Variants in LYSMD2 observed in about 807,000 individuals in gnomAD.
The protein encoded by LYSMD2 is lysM and putative peptidoglycan-binding domain-containing protein 2.
A neutral mutation model predicts 17.7 loss-of-function variants in LYSMD2; 6 were observed. The observed-to-expected ratio is 0.34, with a 90% CI of 0.19 to 0.67. LYSMD2 has a LOEUF of 0.67. Ranked by LOEUF, LYSMD2 falls within the 30% of genes least tolerant of loss-of-function variation. The probability of loss-of-function intolerance (pLI) is 0.69; values close to 1 mark genes in which losing one functional copy is unlikely to be tolerated. For synonymous variants in LYSMD2, 102 were observed against 129.8 expected, an observed-to-expected ratio of 0.79 and a Z score of 1.45; for missense variants, 237 against 286.7, an observed-to-expected ratio of 0.83 and a Z score of 1.25.
chr15:51,733,263 G>A (rs76857799), intron 1 of LYSMD2, among the ~76,000 whole-genome samples: 7 of 149,956 alleles, frequency 4.7e-5, no homozygotes, highest in South Asian at 2.1e-4. Context: ...CCATCTCCAC[G>A]AGCCCTCCCC....
intron 1 of LYSMD2, among the ~76,000 whole-genome samples, chr15:51,750,082 T>C (rs1448263267): frequency 6.6e-6 from 1 of 152,228 alleles, no homozygotes; most frequent in African/African-American, 2.4e-5. Flanking sequence ...GGCCCTATTT[T>C]GCAATGTGCA....
At chr15:51,738,691 G>A (rs1196458838), upstream of LYSMD2, among the ~76,000 whole-genome samples, 1 of 152,078 alleles carries the variant, frequency 6.6e-6, no homozygotes, top group Non-Finnish European at 1.5e-5. Flanking sequence ...GGAGCCTGGG[G>A]GTTTGATTCG....
chr15:51,742,025 CA>C, upstream of LYSMD2, among the ~76,000 whole-genome samples: 1 of 151,350 alleles, frequency 6.6e-6, no homozygotes, highest in East Asian at 1.9e-4. Flanking sequence ...AGTTTGTCAT[CA>C]CTCCAAAAAG....
Position 51,723,648 on chromosome 15 carries a change from C to G in LYSMD2, c.607G>C (p.Asp203His), listed in dbSNP as rs574311951. Reference sequence around the variant, plus strand: ...GAAGTTGCATAGGGACTTTCTTCATCTCTGAAAGAAAATAAATACAGCATA... The same window carrying G: ...GAAGTTGCATAGGGACTTTCTTCATGTCTGAAAGAAAATAAATACAGCATA... ...AAKKLKEESRDEESPYATSLY... is the reference protein window; with the variant it reads ...AAKKLKEESRHEESPYATSLY... Residue 203 changes from aspartate to histidine, a missense_variant and splice_region_variant, in exon 3 of 3, where the codon GAT becomes CAT. Physicochemically the swap from Asp to His is moderately conservative, Grantham distance 81. Transcript: ENST00000267838. The G allele has an allele frequency of 8.8e-6, 14 of 1,598,690 alleles. No individual in the cohort carries two copies. In the South Asian group the frequency reaches 1.6e-4, roughly 18 times the overall value.
chr15:51,737,459 G>T lies in LYSMD2; in HGVS notation c.164C>A (p.Thr55Asn). The T allele has an allele frequency of 1.4e-6, 2 of 1,426,278 alleles. No individual in the cohort carries two copies. The highest frequency in any genetic ancestry group is 1.8e-6 in the Non-Finnish European group (2 of 1,092,630). The allele number at this position is 1,426,278 out of a possible 1,614,324, so 88.4% of individuals were successfully genotyped here. ...GCCCAGCGGCGCCCGCACGCTGGCG[G>T]TGCTGCCGTACGAGCGGGTCTTGGT... is the stretch of plus-strand genomic sequence containing the variant. ...ARTKTRSYGS[T>N]ASVRAPLGAG... The change falls in exon 1 of 3, where the codon ACC (threonine) becomes AAC (asparagine). Residue 55 changes from threonine (T) to asparagine (N), a missense_variant. Thr to Asn is a moderately conservative substitution (Grantham distance 65). Transcript: ENST00000267838. This position sits in a 1 kb window ranked among gnomAD's most constrained non-coding sequence, Gnocchi z 4.2.
rs1453756573 is a variant in LYSMD2 at position 51,723,615 on chromosome 15, G to T, written c.640C>A (p.His214Asn). 4 of 1,607,232 alleles carry T rather than the reference G, an allele frequency of 2.5e-6. No individual in the cohort carries two copies. The highest frequency in any genetic ancestry group is 1.7e-5 in the Admixed American group (1 of 59,436). The change falls in exon 3 of 3, where the codon CAC (histidine) becomes AAC (asparagine). Residue 214 changes from histidine (H) to asparagine (N), a missense_variant. His to Asn is a moderately conservative substitution (Grantham distance 68). Coordinates refer to ENST00000267838, the MANE Select transcript of LYSMD2 (RefSeq NM_153374.3). ...EESPYATSLY[H>N]S The stretch of plus-strand genomic sequence containing the variant: ...TTATGCCCCCAAATCACCTAACTGT[G>T]ATAGAGGGAAGTTGCATAGGGACTT...
chr15:51,730,383 G>A (rs1227076449), intron 1 of LYSMD2, among the ~76,000 whole-genome samples: 3 of 152,172 alleles, frequency 2.0e-5, no homozygotes, highest in African/African-American at 7.2e-5. Flanking sequence ...GGGTGTGGTG[G>A]TGCACTCCCA....
chr15:51,737,247 AACCCCCACCCGCAGTCCCACCCCC>A lies in LYSMD2; in HGVS notation c.273+79_273+102del. The A allele has an allele frequency of 4.7e-5, 13 of 274,068 alleles. No individual in the cohort carries two copies. The highest frequency in any genetic ancestry group is 7.4e-5 in the Non-Finnish European group (12 of 161,534). 17.0% of individuals were successfully genotyped at this position (274,068 alleles called of 1,614,324 possible). A position where few individuals can be genotyped will look rare whatever the true frequency, so the allele number is the denominator to read the frequency against. ...CGTCCCTGCGACTCCCCATCCCCCA[AACCCCCACCCGCAGTCCCACCCCC>A]ACCCCCACCGCACCCCGAGCCGCAC... On this transcript the variant is annotated intron_variant, in intron 1 of 2. Coordinates refer to ENST00000267838, the MANE Select transcript of LYSMD2 (RefSeq NM_153374.3). This position sits in a 1 kb window ranked among gnomAD's most constrained non-coding sequence, Gnocchi z 4.2.
chr15:51,750,696 T>C (rs2055694475), intron 1 of LYSMD2, among the ~76,000 whole-genome samples: 1 of 152,180 alleles, frequency 6.6e-6, no homozygotes, highest in Non-Finnish European at 1.5e-5. Flanking sequence ...ATTTTCATAA[T>C]GTTGGTCTTT....
intron 2 of LYSMD2, among the ~76,000 whole-genome samples, chr15:51,724,417 C>T (rs575332989): frequency 3.3e-4 from 50 of 152,154 alleles, no homozygotes; most frequent in African/African-American, 1.1e-3. Context: ...TTTATTTTGC[C>T]GCTATCCAGA....
intron 1 of LYSMD2, among the ~76,000 whole-genome samples, chr15:51,728,543 AGAAG>A (rs2055555665): frequency 6.6e-6 from 1 of 152,126 alleles, no homozygotes; most frequent in South Asian, 2.1e-4. Context: ...TCAGCAAATG[AGAAG>A]GAAGAAGGTA....
chr15:51,735,810 G>T (rs1441969010), intron 1 of LYSMD2, among the ~76,000 whole-genome samples: 1 of 152,226 alleles, frequency 6.6e-6, no homozygotes, highest in Non-Finnish European at 1.5e-5. Context: ...GTCACAGAGA[G>T]ATTGCACGGG....
At chr15:51,726,570 G>C (rs1221115649) in intron 1 of LYSMD2, among the ~76,000 whole-genome samples, 1 of 152,234 alleles carries the variant, frequency 6.6e-6, no homozygotes, top group Non-Finnish European at 1.5e-5. Context: ...CAGGACGGTA[G>C]TCGAGGGGAG....
In LYSMD2 at chr15:51,723,641, T is replaced by C. The variant is rs1272515958; in HGVS notation, c.614A>G (p.Glu205Gly). ...KKLKEESRDE[E>G]SPYATSLYHS ...ATAGAGGGAAGTTGCATAGGGACTT[T>C]CTTCATCTCTGAAAGAAAATAAATA... is the stretch of plus-strand genomic sequence containing the variant. Residue 205 changes from glutamate (E) to glycine (G), a missense_variant, in exon 3 of 3, where the codon GAA (glutamate) becomes GGA (glycine). Coordinates refer to ENST00000267838, the MANE Select transcript of LYSMD2 (RefSeq NM_153374.3). 1 of 1,601,566 alleles carries C rather than the reference T, an allele frequency of 6.2e-7. No individual in the cohort carries two copies. The highest frequency in any genetic ancestry group is 8.5e-7 in the Non-Finnish European group (1 of 1,174,652).
At chr15:51,730,685 T>C (rs2055570899) in intron 1 of LYSMD2, among the ~76,000 whole-genome samples, 2 of 152,230 alleles carry the variant, frequency 1.3e-5, no homozygotes, top group Admixed American at 6.5e-5. Flanking sequence ...AATGCAATTC[T>C]CAAAACTTCT....
intron 1 of LYSMD2, among the ~76,000 whole-genome samples, chr15:51,749,021 T>C (rs1292133416): frequency 6.6e-6 from 1 of 152,238 alleles, no homozygotes; most frequent in Non-Finnish European, 1.5e-5. Flanking sequence ...AGCTTCCTCA[T>C]TTACAGGAAG....
intron 1 of LYSMD2, among the ~76,000 whole-genome samples, chr15:51,744,067 G>A (rs1410878505): frequency 2.6e-5 from 4 of 152,086 alleles, no homozygotes; most frequent in Non-Finnish European, 5.9e-5. Context: ...TTTCTACATA[G>A]ATAATCATGT....
At chr15:51,729,392 G>A (rs1676954684) in intron 1 of LYSMD2, among the ~76,000 whole-genome samples, 1 of 152,240 alleles carries the variant, frequency 6.6e-6, no homozygotes, top group African/African-American at 2.4e-5. Flanking sequence ...CCATAGCACA[G>A]ACAACAAACT....
intron 1 of LYSMD2, among the ~76,000 whole-genome samples, chr15:51,734,770 A>C (rs998053267): frequency 2.4e-4 from 36 of 152,258 alleles, no homozygotes; most frequent in African/African-American, 8.7e-4. Context: ...TTGCCAGTCA[A>C]CAACAGAAAC....
Sources: allele counts gnomAD v4.1 joint callset (sites outside exome capture counted in the v4.1 genomes callset), GRCh38; gene constraint gnomAD v4.1.1; non-coding constraint Gnocchi (gnomAD v3.1); transcripts MANE v1.5; gene names NCBI Gene and HGNC (gene_info 2026-07-23, HGNC 2026-07-21).